The following STAG1 variants were observed in gnomAD, a reference collection of about 807,000 sequenced individuals.
STAG1 encodes STAG1 cohesin complex component.
Under a neutral mutation model 170.9 loss-of-function variants are expected in STAG1, and 26 were observed. That is an observed-to-expected ratio of 0.15 (90% confidence interval 0.11 to 0.21). The LOEUF (loss-of-function observed/expected upper bound fraction) is 0.21, where lower values mean the gene tolerates loss of function less well. STAG1 is among the 10% of genes least tolerant of loss of function. The pLI is 1.00. For missense variants in STAG1, 964 were observed against 1,509.5 expected (o/e 0.64, Z 5.99); for synonymous variants, 514 against 497.7 (o/e 1.03, Z -0.44).
intron 7 of STAG1, among the ~76,000 whole-genome samples, chr3:136,504,820 ATCT>A (rs1295226733): frequency 6.6e-6 from 1 of 152,146 alleles, no homozygotes; most frequent in Non-Finnish European, 1.5e-5. Context: ...TCAGCTGTAT[ATCT>A]TCTTGTGAAC....
In STAG1 at chr3:136,521,383, G is replaced by A; in HGVS notation, c.506C>T (p.Pro169Leu). 2 of 1,613,476 alleles carry A rather than the reference G, an allele frequency of 1.2e-6. No individual in the cohort carries two copies. Among genetic ancestry groups the A allele is most frequent in the Non-Finnish European group, 1.7e-6 (2 of 1,179,660 alleles). Reference protein sequence around the residue: ...SGDYPLTMPGPQWKKFRSNFC... With the variant: ...SGDYPLTMPGLQWKKFRSNFC... ...GTTTGAACGAAATTTTTTCCACTGA[G>A]GTCCAGGCATGGTAAGAGGATAATC... The change falls in exon 7 of 34, where the codon CCT (proline) becomes CTT (leucine). Residue 169 changes from proline to leucine, a missense_variant. Coordinates refer to ENST00000383202, the MANE Select transcript of STAG1 (RefSeq NM_005862.3).
intron 23 of STAG1, among the ~76,000 whole-genome samples, chr3:136,369,933 T>C (rs1387187814): frequency 2.6e-5 from 4 of 152,122 alleles, no homozygotes; most frequent in Admixed American, 2.0e-4. Flanking sequence ...GTGATGTTGT[T>C]TGTGGTGATG....
At chr3:136,693,738 A>G (rs12330725) in intron 1 of STAG1, among the ~76,000 whole-genome samples, 1 of 147,126 alleles carries the variant, frequency 6.8e-6, no homozygotes, top group Non-Finnish European at 1.5e-5. Flanking sequence ...TCAGCTAATT[A>G]TTTTTTTTTT....
chr3:136,583,671 C>T (rs1937661252), intron 4 of STAG1, among the ~76,000 whole-genome samples: 1 of 152,108 alleles, frequency 6.6e-6, no homozygotes, highest in Non-Finnish European at 1.5e-5. Context: ...CACCTGTAAT[C>T]CCAGCTACTT....
chr3:136,535,747 A>T (rs1030617969), intron 6 of STAG1, among the ~76,000 whole-genome samples: 1 of 152,202 alleles, frequency 6.6e-6, no homozygotes, highest in African/African-American at 2.4e-5. Flanking sequence ...ATAAATACTC[A>T]AGGTAAGAGA....
At chr3:136,435,644 C>G (rs1559799932) in intron 15 of STAG1, among the ~76,000 whole-genome samples, 1 of 152,038 alleles carries the variant, frequency 6.6e-6, no homozygotes, top group Non-Finnish European at 1.5e-5. Context: ...GTTTCCTTCA[C>G]ATAGATTCTA....
At chr3:136,662,593 G>A (rs753428204) in intron 1 of STAG1, among the ~76,000 whole-genome samples, 19 of 151,886 alleles carry the variant, frequency 1.3e-4, no homozygotes, top group African/African-American at 4.4e-4. Flanking sequence ...CTCTAGGAGC[G>A]TGCCACCATG....
intron 1 of STAG1, among the ~76,000 whole-genome samples, chr3:136,672,270 T>C (rs1319395901): frequency 2.0e-5 from 3 of 152,208 alleles, no homozygotes; most frequent in African/African-American, 7.2e-5. Context: ...TCAGTTAAGA[T>C]GGAAACAGCA....
At chr3:136,437,225 C>T (rs2088485471) in intron 15 of STAG1, among the ~76,000 whole-genome samples, 1 of 152,214 alleles carries the variant, frequency 6.6e-6, no homozygotes, top group South Asian at 2.1e-4. Flanking sequence ...CTTAACTCAA[C>T]CTTGCACAGT....
At chr3:136,595,884 T>C (rs1002470310) in intron 4 of STAG1, among the ~76,000 whole-genome samples, 13 of 152,202 alleles carry the variant, frequency 8.5e-5, no homozygotes, top group African/African-American at 2.9e-4. Flanking sequence ...CTTTCTAAAA[T>C]ACCATCAATT....
chr3:136,614,657 G>C (rs1343784683), intron 3 of STAG1, among the ~76,000 whole-genome samples: 1 of 152,148 alleles, frequency 6.6e-6, no homozygotes, highest in Non-Finnish European at 1.5e-5. Flanking sequence ...TACATTTCTA[G>C]TAAACTGTTT....
chr3:136,579,958 A>ATTTTTT (rs749325884), intron 4 of STAG1, among the ~76,000 whole-genome samples: 962 of 73,650 alleles, frequency 0.013, 205 homozygotes, highest in African/African-American at 0.034. Flanking sequence ...TACCATCTGA[A>ATTTTTT]TTTTTTTTTT....
intron 4 of STAG1, among the ~76,000 whole-genome samples, chr3:136,581,036 T>C (rs1937581303): frequency 6.6e-6 from 1 of 152,132 alleles, no homozygotes; most frequent in African/African-American, 2.4e-5. Flanking sequence ...AATTTTTTTG[T>C]AGAGATGAGG....
chr3:136,361,054 T>C (rs1936845086), intron 26 of STAG1, among the ~76,000 whole-genome samples: 1 of 152,264 alleles, frequency 6.6e-6, no homozygotes, highest in African/African-American at 2.4e-5. Context: ...AAAGAATACA[T>C]TTTGTTGTGA....
At chr3:136,531,295 C>T (rs577539735) in intron 6 of STAG1, among the ~76,000 whole-genome samples, 7 of 149,724 alleles carry the variant, frequency 4.7e-5, no homozygotes, top group African/African-American at 1.7e-4. Flanking sequence ...AATAGGAACA[C>T]TTTTACACTG....
intron 6 of STAG1, among the ~76,000 whole-genome samples, chr3:136,541,556 A>T (rs79303780): frequency 1.8e-3 from 196 of 110,482 alleles, no homozygotes; most frequent in Middle Eastern, 5.0e-3. Flanking sequence ...ACACACACAC[A>T]CACACACACA....
chr3:136,366,204 G>A lies in STAG1; in HGVS notation c.2685+739C>T, dbSNP rs147185237. ...TGTGACCTTGAAAGGTTTACCTCTC[G>A]AGCCTTAGTTTCCTTATATGTAAAT... On this transcript the variant is annotated intron_variant, in intron 25 of 33. Transcript: ENST00000383202. 2.4e-3 allele frequency among the ~76,000 whole-genome samples: 360 copies of A among 152,008 alleles called. 1 individual carries two copies. The highest frequency in any genetic ancestry group is 8.2e-3 in the African/African-American group (339 of 41,490).
chr3:136,447,595 C>CT (rs1559806771), intron 14 of STAG1, among the ~76,000 whole-genome samples: 27 of 121,388 alleles, frequency 2.2e-4, no homozygotes, highest in African/African-American at 8.0e-4. Flanking sequence ...AAAAGCATCA[C>CT]ATTTTTTTTT....
intron 32 of STAG1, among the ~76,000 whole-genome samples, chr3:136,339,029 C>T (rs895164616): frequency 8.5e-5 from 13 of 152,098 alleles, no homozygotes; most frequent in African/African-American, 2.2e-4. Context: ...CAGTATTTGG[C>T]GACAGGGCCT....
Sources: allele counts gnomAD v4.1 joint callset (sites outside exome capture counted in the v4.1 genomes callset), GRCh38; gene constraint gnomAD v4.1.1; transcripts MANE v1.5; gene names NCBI Gene and HGNC (gene_info 2026-07-23, HGNC 2026-07-21).